Variants in LRRC3B observed in about 807,000 individuals in gnomAD.
LRRC3B encodes the protein leucine rich repeat containing 3B, also known as leucine-rich repeat-containing protein 3B.
In LRRC3B, 2 loss-of-function variants were observed where a neutral mutation model predicts 12.8. The observed-to-expected ratio is 0.16, with a 90% CI of 0.06 to 0.49. The LOEUF (loss-of-function observed/expected upper bound fraction) is 0.49, where lower values mean the gene tolerates loss of function less well. LRRC3B is among the 20% of genes least tolerant of loss of function. The pLI, the probability that LRRC3B is intolerant of heterozygous loss-of-function variation, is 0.96. For missense variants in LRRC3B, 189 were observed against 319.4 expected, an observed-to-expected ratio of 0.59 and a Z score of 3.11; for synonymous variants, 132 against 122.0, an observed-to-expected ratio of 1.08 and a Z score of -0.54.
chr3:26,705,090 GATGAAAAGAAAGAA>G (rs1700552361), intron 1 of LRRC3B, among the ~76,000 whole-genome samples: 1 of 152,126 alleles, frequency 6.6e-6, no homozygotes, highest in African/African-American at 2.4e-5. Context: ...ATCATTTAAT[GATGAAAAGAAAGAA>G]ATAAGCAGAA....
chr3:26,652,024 C>T (rs1471146707), intron 1 of LRRC3B, among the ~76,000 whole-genome samples: 1 of 152,192 alleles, frequency 6.6e-6, no homozygotes, highest in African/African-American at 2.4e-5. Context: ...GGTCTAACTG[C>T]AGAACCGGCT....
chr3:26,665,256 A>C (rs1260981368), intron 1 of LRRC3B, among the ~76,000 whole-genome samples: 4 of 152,114 alleles, frequency 2.6e-5, no homozygotes, highest in Non-Finnish European at 2.9e-5. Flanking sequence ...TTCTAATTCA[A>C]GGCCAGATCC....
chr3:26,701,370 G>A (rs1195790032), intron 1 of LRRC3B: 1 of 152,056 alleles, frequency 6.6e-6, no homozygotes, highest in Non-Finnish European at 1.5e-5. Context: ...TCTCTCTCCT[G>A]AGACTTTCAT....
intron 1 of LRRC3B, among the ~76,000 whole-genome samples, chr3:26,704,493 G>A (rs1440832832): frequency 6.6e-6 from 1 of 151,838 alleles, no homozygotes; most frequent in East Asian, 1.9e-4. Flanking sequence ...TGTTTATTTT[G>A]TATACATCAT....
intron 1 of LRRC3B, among the ~76,000 whole-genome samples, chr3:26,700,539 T>G (rs1385089081): frequency 6.6e-6 from 1 of 152,162 alleles, no homozygotes; most frequent in African/African-American, 2.4e-5. Context: ...CAGTGCTGTT[T>G]AGAGATAATC....
intron 1 of LRRC3B, among the ~76,000 whole-genome samples, chr3:26,644,357 A>G (rs1699097957): frequency 6.6e-6 from 1 of 152,180 alleles, no homozygotes; most frequent in African/African-American, 2.4e-5. Context: ...TTATTCATTC[A>G]TTTGGTAACT....
chr3:26,705,353 G>A (rs976534389), intron 1 of LRRC3B, among the ~76,000 whole-genome samples: 6 of 151,708 alleles, frequency 4.0e-5, no homozygotes, highest in Admixed American at 6.6e-5. Flanking sequence ...GAAATATTAC[G>A]GCTTCTGCTT....
intron 1 of LRRC3B, among the ~76,000 whole-genome samples, chr3:26,673,380 G>T (rs1055525515): frequency 1.3e-5 from 2 of 152,174 alleles, no homozygotes; most frequent in African/African-American, 4.8e-5. Flanking sequence ...GGTATTGGGA[G>T]ATAGGTAGAT....
intron 1 of LRRC3B, among the ~76,000 whole-genome samples, chr3:26,663,075 C>T (rs1431449504): frequency 6.6e-6 from 1 of 152,088 alleles, no homozygotes; most frequent in African/African-American, 2.4e-5. Flanking sequence ...ATTCTAGAGG[C>T]TAGGGCTAGA....
At chr3:26,670,476 C>T (rs531857030) in intron 1 of LRRC3B, among the ~76,000 whole-genome samples, 1 of 152,220 alleles carries the variant, frequency 6.6e-6, no homozygotes, top group African/African-American at 2.4e-5. Context: ...GAAATTATTT[C>T]TTCTTTCTGA....
Position 26,673,133 on chromosome 3 carries a change from ATTG to A in LRRC3B, c.-160-36377_-160-36375del, listed in dbSNP as rs574988666. Among the ~76,000 whole-genome samples, 5 of 152,312 alleles carry A rather than the reference ATTG, an allele frequency of 3.3e-5. No homozygotes were observed. In the South Asian group the frequency reaches 1.0e-3, roughly 32 times the overall value. On this transcript the variant is annotated intron_variant, in intron 1 of 1. Coordinates refer to ENST00000396641, the Ensembl canonical transcript of LRRC3B. ...CAAAGGTCTGCTGCAGTGGCAAGCAATTGTTTTCTGCATAAATATAAAATCAAG... is the reference window on the plus strand; with the variant it reads ...CAAAGGTCTGCTGCAGTGGCAAGCAATTTTCTGCATAAATATAAAATCAAG...
intron 1 of LRRC3B, among the ~76,000 whole-genome samples, chr3:26,658,669 C>A (rs1489969016): frequency 6.6e-6 from 1 of 152,200 alleles, no homozygotes; most frequent in Non-Finnish European, 1.5e-5. Context: ...CCAGGCTGCG[C>A]CTGTGAAAAT....
At chr3:26,707,068 C>T (rs370496583) in intron 1 of LRRC3B, among the ~76,000 whole-genome samples, 138 of 152,052 alleles carry the variant, frequency 9.1e-4, no homozygotes, top group African/African-American at 3.1e-3. Context: ...CAATTTCGTA[C>T]TGTGCTAAGC....
chr3:26,646,234 C>T (rs1261634108), intron 1 of LRRC3B, among the ~76,000 whole-genome samples: 4 of 152,140 alleles, frequency 2.6e-5, no homozygotes, highest in African/African-American at 9.7e-5. Context: ...GGAAGCCTTC[C>T]AACCAGCGAT....
rs534189531 is a variant in LRRC3B at position 26,648,428 on chromosome 3, GA to G, written c.-161+25195del. Among the ~76,000 whole-genome samples the G allele has an allele frequency of 2.4e-3, 366 of 152,164 alleles. 5 individuals are homozygous for G. Among genetic ancestry groups the G allele is most frequent in the African/African-American group, 8.6e-3 (358 of 41,544 alleles). On this transcript the variant is annotated intron_variant, in intron 1 of 1. Coordinates refer to ENST00000396641, the Ensembl canonical transcript of LRRC3B. ...CACACACTCCATTTTTACAAGAAAT[GA>G]AAAGGGCTTTTTTTTTGTTTCAGTA...
intron 1 of LRRC3B, among the ~76,000 whole-genome samples, chr3:26,684,747 C>T (rs1700039012): frequency 6.6e-6 from 1 of 152,132 alleles, no homozygotes. Flanking sequence ...CTGTGGATAG[C>T]AGTTAAATGT....
intron 1 of LRRC3B, among the ~76,000 whole-genome samples, chr3:26,683,527 C>A (rs1700013288): frequency 6.6e-6 from 1 of 152,172 alleles, no homozygotes; most frequent in Non-Finnish European, 1.5e-5. Context: ...ATGGCAGGTC[C>A]TCACCAGGGG....
intron 1 of LRRC3B, among the ~76,000 whole-genome samples, chr3:26,699,397 A>G (rs1452353005): frequency 1.3e-5 from 2 of 152,132 alleles, no homozygotes; most frequent in African/African-American, 2.4e-5. Context: ...TCATAGTCCT[A>G]GGGCAACTAA....
intron 1 of LRRC3B, among the ~76,000 whole-genome samples, chr3:26,643,290 G>GTATA (rs145205386): frequency 6.7e-4 from 101 of 150,914 alleles, no homozygotes; most frequent in Admixed American, 4.3e-3. Flanking sequence ...ACATGTATAT[G>GTATA]TATATATATA....
Sources: allele counts gnomAD v4.1 joint callset (sites outside exome capture counted in the v4.1 genomes callset), GRCh38; gene constraint gnomAD v4.1.1; transcripts MANE v1.5; gene names NCBI Gene and HGNC (gene_info 2026-07-23, HGNC 2026-07-21).